The following UBE4B variants were observed in gnomAD, a reference collection of about 807,000 sequenced individuals.
UBE4B encodes ubiquitin conjugation factor E4 B.
A neutral mutation model predicts 148.1 loss-of-function variants in UBE4B; 27 were observed. That is an observed-to-expected ratio of 0.18 (90% CI 0.13 to 0.25). The LOEUF is 0.25. UBE4B is among the 10% of genes least tolerant of loss of function. The pLI is 1.00. For synonymous variants in UBE4B, 596 were observed against 619.3 expected (o/e 0.96, Z 0.56); for missense variants, 1,170 against 1,662.4 (o/e 0.70, Z 5.15).
chr1:10,133,419 C>T (rs918271453), intron 15 of UBE4B, among the ~76,000 whole-genome samples: 2 of 152,098 alleles, frequency 1.3e-5, no homozygotes, highest in African/African-American at 2.4e-5. Flanking sequence ...TAGAGTGGTG[C>T]CTGGTACACA....
At position 10,179,516 on chromosome 1, in the gene UBE4B, G is replaced by A. The variant is rs754280005; in HGVS notation, c.3801G>A (p.Thr1267=). The A allele has an allele frequency of 5.6e-6, 9 of 1,613,856 alleles. No homozygotes were observed. The East Asian group carries it at 6.7e-5, about 12-fold the overall frequency. Residue 1267 remains threonine, a synonymous_variant, in exon 27 of 28, where the codon ACG becomes ACA. Coordinates refer to ENST00000343090, the MANE Select transcript of UBE4B (RefSeq NM_001105562.3). ...TGCGGCACCTGCTCAACTCCCCCACGGACCCCTTCAACCGGCAGACGCTGA... is the reference window on the plus strand; with the variant it reads ...TGCGGCACCTGCTCAACTCCCCCACAGACCCCTTCAACCGGCAGACGCTGA... The part of the protein sequence containing the change: ...IILRHLLNSP[T]DPFNRQTLTE...
rs1645975970 is a variant in UBE4B at position 10,151,574 on chromosome 1, AAC to A, written c.2926+17_2926+18del. On this transcript the variant is annotated intron_variant, in intron 21 of 27. Transcript: ENST00000343090. ...AAGTTTTATACAGGTAGGTTGCTGG[AAC>A]ACAGTGTAGCACATGGCAGGCCAAC... 1 of 1,610,218 alleles carries A rather than the reference AAC, an allele frequency of 6.2e-7. No homozygotes were observed. The highest frequency in any genetic ancestry group is 1.3e-5 in the African/African-American group (1 of 74,826).
chr1:10,071,546 A>G (rs886066613), intron 1 of UBE4B, among the ~76,000 whole-genome samples: 28 of 152,198 alleles, frequency 1.8e-4, no homozygotes, highest in African/African-American at 6.8e-4. Context: ...TATGATTGAA[A>G]TACTGCACTC....
chr1:10,144,859 GAGTC>G, intron 17 of UBE4B, 77 bp from the exon 18 acceptor site: 1 of 938,182 alleles, frequency 1.1e-6, no homozygotes, highest in Non-Finnish European at 1.6e-6. Context: ...CTGCGTGTGA[GAGTC>G]AGTGAAATGA....
At chr1:10,102,583 G>A (rs1417455430) in intron 4 of UBE4B, among the ~76,000 whole-genome samples, 1 of 151,554 alleles carries the variant, frequency 6.6e-6, no homozygotes, top group Non-Finnish European at 1.5e-5. Flanking sequence ...GCTAATTTTT[G>A]TATTTTTAGT....
At chr1:10,096,957 T>G (rs1338785386) in intron 3 of UBE4B, among the ~76,000 whole-genome samples, 1 of 151,718 alleles carries the variant, frequency 6.6e-6, no homozygotes, top group Non-Finnish European at 1.5e-5. Context: ...GAGAATCACT[T>G]GAACCTGGGA....
At chr1:10,073,270 G>C (rs1644518869) in intron 2 of UBE4B, among the ~76,000 whole-genome samples, 1 of 152,176 alleles carries the variant, frequency 6.6e-6, no homozygotes, top group African/African-American at 2.4e-5. Context: ...GCTGGAATCT[G>C]TCCTGGAGAG....
chr1:10,133,367 C>T (rs1178959452), intron 15 of UBE4B, among the ~76,000 whole-genome samples: 1 of 152,160 alleles, frequency 6.6e-6, no homozygotes, highest in Non-Finnish European at 1.5e-5. Context: ...ATCTGCTAAG[C>T]TGCGGTACTA....
intron 1 of UBE4B, among the ~76,000 whole-genome samples, chr1:10,041,197 A>AT (rs1358508279): frequency 6.6e-6 from 1 of 152,104 alleles, no homozygotes; most frequent in Non-Finnish European, 1.5e-5. Flanking sequence ...GCTAATAGAA[A>AT]TTAATTTATT....
At chr1:10,081,975 A>G (rs1207843797) in intron 2 of UBE4B, among the ~76,000 whole-genome samples, 2 of 152,128 alleles carry the variant, frequency 1.3e-5, no homozygotes, top group Non-Finnish European at 2.9e-5. Context: ...TTGGCCTCCC[A>G]ATGTGTTGGG....
intron 2 of UBE4B, among the ~76,000 whole-genome samples, chr1:10,074,589 C>G (rs534162443): frequency 6.6e-6 from 1 of 152,300 alleles, no homozygotes; most frequent in African/African-American, 2.4e-5. Flanking sequence ...TGCTCTGAGT[C>G]ACTGTCTGGT....
At chr1:10,050,243 C>T (rs1008426491) in intron 1 of UBE4B, among the ~76,000 whole-genome samples, 8 of 152,088 alleles carry the variant, frequency 5.3e-5, no homozygotes, top group Non-Finnish European at 8.8e-5. Flanking sequence ...GGCTAATTTT[C>T]GTATGTTTAG....
chr1:10,073,726 A>G (rs1161811936), intron 2 of UBE4B, among the ~76,000 whole-genome samples: 1 of 151,796 alleles, frequency 6.6e-6, no homozygotes, highest in Non-Finnish European at 1.5e-5. Context: ...CTCAAAAACA[A>G]CAACAACAAC....
At chr1:10,081,471 C>T (rs1644679606) in intron 2 of UBE4B, among the ~76,000 whole-genome samples, 2 of 152,198 alleles carry the variant, frequency 1.3e-5, no homozygotes, top group Admixed American at 1.3e-4. Flanking sequence ...GTCACCCAGG[C>T]TGGAGTGCAG....
At chr1:10,110,546 G>A (rs989586988) in intron 7 of UBE4B, among the ~76,000 whole-genome samples, 1 of 151,924 alleles carries the variant, frequency 6.6e-6, no homozygotes, top group Non-Finnish European at 1.5e-5. Context: ...ATAAAAGCTG[G>A]AAGTTGATCT....
chr1:10,160,275 C>T (rs1171592219), intron 22 of UBE4B, among the ~76,000 whole-genome samples: 12 of 152,260 alleles, frequency 7.9e-5, no homozygotes, highest in South Asian at 2.1e-4. Context: ...TTCTTCCATG[C>T]GTCAGTCTTT....
intron 2 of UBE4B, among the ~76,000 whole-genome samples, chr1:10,092,493 A>G (rs1297711459): frequency 6.6e-6 from 1 of 151,276 alleles, no homozygotes; most frequent in Non-Finnish European, 1.5e-5. Flanking sequence ...AAGTGCTGGG[A>G]TTACAGGCGT....
At chr1:10,113,245 G>T (rs538832507) in intron 7 of UBE4B, among the ~76,000 whole-genome samples, 1 of 152,262 alleles carries the variant, frequency 6.6e-6, no homozygotes, top group South Asian at 2.1e-4. Flanking sequence ...TAAACAACCA[G>T]ATCTCACGTG....
intron 1 of UBE4B, among the ~76,000 whole-genome samples, chr1:10,035,998 C>T (rs997395271): frequency 2.0e-5 from 3 of 151,976 alleles, no homozygotes; most frequent in Non-Finnish European, 2.9e-5. Flanking sequence ...CCCGCCTCGG[C>T]CTTCCAAAGT....
Sources: allele counts gnomAD v4.1 joint callset (sites outside exome capture counted in the v4.1 genomes callset), GRCh38; gene constraint gnomAD v4.1.1; transcripts MANE v1.5; gene names NCBI Gene and HGNC (gene_info 2026-07-23, HGNC 2026-07-21).